Variants in DST observed in about 807,000 individuals in gnomAD.
The protein encoded by DST is dystonin.
DST carries 253 observed loss-of-function variants against 875.2 expected under a neutral mutation model. The ratio of observed to expected loss-of-function variants is 0.29; its 90% CI spans 0.26 to 0.32. DST has a LOEUF of 0.32. Among genes scored for constraint, DST ranks in the 10% least tolerant of loss-of-function variants. The pLI is 1.00. For synonymous variants in DST, 3,124 were observed against 3,197.1 expected, an observed-to-expected ratio of 0.98 and a Z score of 0.77; for missense variants, 8,287 against 9,111.6, an observed-to-expected ratio of 0.91 and a Z score of 3.68.
rs747136161 is a variant in DST, at chr6:56,536,848, G to A, written c.16701C>T (p.Ser5567=). Residue 5567 remains serine (S), a synonymous_variant, in exon 62 of 104, where the codon AGC becomes AGT. Coordinates refer to ENST00000680361, the MANE Select transcript of DST (RefSeq NM_001374736.1). ...CATGCTCCAAGCCCTGAGTGCTAGT[G>A]CTTTTGGCAGCACTCTGAATAAGGC... ...GQGLIQSAAK[S]TSTQGLEHDL... 3.7e-6 allele frequency: 6 copies of A among 1,613,216 alleles called. No individual in the cohort carries two copies. In the South Asian group the frequency reaches 5.5e-5, roughly 15 times the overall value.
At chr6:56,614,010 A>G (rs1266247823) in intron 37 of DST, among the ~76,000 whole-genome samples, 3 of 152,196 alleles carry the variant, frequency 2.0e-5, no homozygotes, top group Non-Finnish European at 4.4e-5. Context: ...CATGGAGTGC[A>G]TGGATCTACT....
intron 9 of DST, among the ~76,000 whole-genome samples, chr6:56,684,455 T>C (rs77511924): frequency 0.076 from 11,594 of 152,118 alleles, 1,401 homozygotes; most frequent in African/African-American, 0.26. Flanking sequence ...GATTAAGAAA[T>C]CATGGGGATT....
chr6:56,656,759 T>A (rs1043142224), intron 10 of DST, among the ~76,000 whole-genome samples: 4 of 152,186 alleles, frequency 2.6e-5, no homozygotes, highest in African/African-American at 9.7e-5. Context: ...AAGCTGAGAA[T>A]ACATAATAAA....
At chr6:56,918,227 A>G (rs1339911808) in intron 2 of DST, among the ~76,000 whole-genome samples, 1 of 151,792 alleles carries the variant, frequency 6.6e-6, no homozygotes, top group Non-Finnish European at 1.5e-5. Flanking sequence ...CCCGGGTTCA[A>G]GTGATTCTCC....
intron 4 of DST, among the ~76,000 whole-genome samples, chr6:56,790,146 A>G (rs1429911185): frequency 1.3e-5 from 2 of 151,894 alleles, no homozygotes; most frequent in Middle Eastern, 3.2e-3. Context: ...GACACTGGGG[A>G]CTTTCCCATT....
chr6:56,625,066 T>C (rs904491954), intron 35 of DST, 91 bp downstream of exon 35: 7 of 876,590 alleles, frequency 8.0e-6, no homozygotes, highest in East Asian at 7.6e-5. Context: ...TTTTATACTA[T>C]GTATATTTTA....
At chr6:56,854,588 A>G (rs1035459907) in intron 3 of DST, among the ~76,000 whole-genome samples, 2 of 152,212 alleles carry the variant, frequency 1.3e-5, no homozygotes, top group African/African-American at 4.8e-5. Flanking sequence ...ATGTACATGT[A>G]ATAGTTACCC....
At chr6:56,847,002 CAA>C (rs569665465) in intron 4 of DST, among the ~76,000 whole-genome samples, 104 of 51,998 alleles carry the variant, frequency 2.0e-3, no homozygotes, top group African/African-American at 6.8e-3. Context: ...GACCCTGTCT[CAA>C]AAAAAAAAAA....
chr6:56,764,114 C>CACAT (rs2099626271), intron 4 of DST, among the ~76,000 whole-genome samples: 1 of 151,538 alleles, frequency 6.6e-6, no homozygotes, highest in African/African-American at 2.4e-5. Context: ...CACACACACA[C>CACAT]ACACACACAC....
In DST at chr6:56,509,667, C is replaced by A. The variant is rs1364054892; in HGVS notation, c.18987G>T (p.Gly6329=). 2.5e-6 allele frequency: 4 copies of A among 1,612,660 alleles called. No homozygotes were observed. Among genetic ancestry groups the A allele is most frequent in the East Asian group, 2.2e-5 (1 of 44,862 alleles). The part of the protein sequence containing the change: ...RGEEMIARSG[G]TDKDISAKAV... ...CTTTGGCAGATATGTCTTTATCAGT[C>A]CCCCCAGATCTAGCAATCATTTCCT... The change falls in exon 74 of 104, where the codon GGG becomes GGT. Residue 6329 remains glycine, a synonymous_variant. Transcript: ENST00000680361.
chr6:56,495,407 T>C (rs985404497), intron 82 of DST, among the ~76,000 whole-genome samples: 3 of 152,026 alleles, frequency 2.0e-5, no homozygotes, highest in African/African-American at 7.2e-5. Context: ...CTCAGTTCGC[T>C]GAAATGGAAT....
intron 10 of DST, among the ~76,000 whole-genome samples, chr6:56,669,771 T>A (rs1225961999): frequency 6.6e-6 from 1 of 152,118 alleles, no homozygotes; most frequent in East Asian, 1.9e-4. Flanking sequence ...TGGGTCTCAG[T>A]TTCTGTCTGT....
At position 56,954,679 on chromosome 6, in the gene DST, G is replaced by A; in HGVS notation, c.-92C>T. The A allele has an allele frequency of 9.1e-6, 8 of 875,350 alleles. No homozygotes were observed. Among genetic ancestry groups the A allele is most frequent in the Non-Finnish European group, 1.1e-5 (8 of 708,828 alleles). 54.2% of individuals were successfully genotyped at this position (875,350 alleles called of 1,614,324 possible). On this transcript the variant is annotated 5_prime_UTR_variant, in exon 1 of 104. Transcript: ENST00000680361. ...GGCGCACGCCGGGACGGCGGGCACGGGTGAGCGCGGCTCAGCGCGTCATGC... is the reference window on the plus strand; with the variant it reads ...GGCGCACGCCGGGACGGCGGGCACGAGTGAGCGCGGCTCAGCGCGTCATGC...
intron 80 of DST, among the ~76,000 whole-genome samples, chr6:56,500,278 G>A (rs1054853495): frequency 1.3e-5 from 2 of 152,116 alleles, no homozygotes; most frequent in Admixed American, 6.6e-5. Context: ...CAAAGTCTAT[G>A]AAAGATTGTT....
intron 3 of DST, among the ~76,000 whole-genome samples, chr6:56,858,067 C>T (rs1279953672): frequency 6.6e-6 from 1 of 152,154 alleles, no homozygotes; most frequent in African/African-American, 2.4e-5. Context: ...TGGAAACCAC[C>T]TTTAGGTAGT....
intron 69 of DST, among the ~76,000 whole-genome samples, 186 bp from the exon 70 acceptor site, chr6:56,517,806 A>AT (rs1387477818): frequency 6.6e-6 from 1 of 152,190 alleles, no homozygotes; most frequent in Non-Finnish European, 1.5e-5. Flanking sequence ...CCACAGAGTA[A>AT]TTAAACACAA....
At chr6:56,853,952 A>G (rs1249471713) in intron 3 of DST, among the ~76,000 whole-genome samples, 1 of 152,232 alleles carries the variant, frequency 6.6e-6, no homozygotes, top group Non-Finnish European at 1.5e-5. Context: ...GAAATCATAC[A>G]TATTTATATG....
intron 61 of DST, among the ~76,000 whole-genome samples, chr6:56,544,820 G>T (rs1223531409): frequency 6.6e-6 from 1 of 151,924 alleles, no homozygotes; most frequent in African/African-American, 2.4e-5. Flanking sequence ...ATATATCTTT[G>T]TTACTTGAAA....
chr6:56,631,765 C>T (rs1475166907), intron 29 of DST, 118 bp downstream of exon 29: 2 of 907,436 alleles, frequency 2.2e-6, no homozygotes, highest in South Asian at 2.7e-5. Context: ...TCAGACCTCA[C>T]CTCACACTAG....
Sources: allele counts gnomAD v4.1 joint callset (sites outside exome capture counted in the v4.1 genomes callset), GRCh38; gene constraint gnomAD v4.1.1; transcripts MANE v1.5; gene names NCBI Gene and HGNC (gene_info 2026-07-23, HGNC 2026-07-21).